The following VSTM4 variants were observed in gnomAD, a reference collection of about 807,000 sequenced individuals.
VSTM4 encodes the protein V-set and transmembrane domain-containing protein 4.
VSTM4 carries 20 observed loss-of-function variants against 36.4 expected under a neutral mutation model. The observed-to-expected ratio is 0.55, with a 90% CI of 0.39 to 0.80. VSTM4 has a LOEUF of 0.80. Ranked by LOEUF, VSTM4 falls within the 30% of genes least tolerant of loss-of-function variation. VSTM4 has a pLI of 0.00. For synonymous variants in VSTM4, 182 were observed against 173.9 expected (o/e 1.05, Z -0.37); for missense variants, 392 against 404.5 (o/e 0.97, Z 0.26).
At chr10:49,046,434 G>A (rs1188785857) in intron 7 of VSTM4, among the ~76,000 whole-genome samples, 3 of 152,214 alleles carry the variant, frequency 2.0e-5, no homozygotes, top group Non-Finnish European at 1.5e-5. Context: ...AGGAACATTA[G>A]CAGGTAGACC....
At position 49,077,321 on chromosome 10, in the gene VSTM4, A is replaced by C; in HGVS notation, c.532T>G (p.Tyr178Asp). Residue 178 changes from tyrosine to aspartate, a missense_variant, in exon 4 of 8, where the codon TAT becomes GAT. Transcript: ENST00000332853. ...CAGCACACGAGGACAGCATACACAT[A>C]GAGATCTGAAAGGCAAGGACAGACA... ...KETWAFFEDL[Y>D]VYAVLVCCVG... The C allele has an allele frequency of 6.2e-7, 1 of 1,614,210 alleles. No homozygotes were observed. Among genetic ancestry groups the C allele is most frequent in the Non-Finnish European group, 8.5e-7 (1 of 1,180,032 alleles).
chr10:49,098,186 GC>G (rs1844607309), intron 2 of VSTM4, among the ~76,000 whole-genome samples: 1 of 152,088 alleles, frequency 6.6e-6, no homozygotes, highest in Non-Finnish European at 1.5e-5. Context: ...GCCTTGCTAT[GC>G]CCCCACAGTG....
intron 4 of VSTM4, among the ~76,000 whole-genome samples, chr10:49,068,302 G>A (rs778771438): frequency 1.3e-5 from 2 of 152,082 alleles, no homozygotes; most frequent in East Asian, 1.9e-4. Context: ...TGAGCTGACC[G>A]GTGTTTTGAT....
intron 7 of VSTM4, among the ~76,000 whole-genome samples, chr10:49,024,269 C>T (rs1293159334): frequency 6.6e-6 from 1 of 152,150 alleles, no homozygotes; most frequent in African/African-American, 2.4e-5. Context: ...CTTAGTCTCA[C>T]TTTTCATATT....
chr10:49,085,082 C>T (rs554605293), intron 3 of VSTM4, among the ~76,000 whole-genome samples: 1 of 152,382 alleles, frequency 6.6e-6, no homozygotes, highest in East Asian at 1.9e-4. Flanking sequence ...GAATGTGCAT[C>T]AGAATTGCCT....
chr10:49,065,872 TCTCGTTCAGC>T (rs772503551), intron 4 of VSTM4, among the ~76,000 whole-genome samples: 47 of 152,200 alleles, frequency 3.1e-4, no homozygotes, highest in Non-Finnish European at 6.0e-4. Context: ...TACAGGTTTA[TCTCGTTCAGC>T]CTCCTATTAA....
In VSTM4 at chr10:49,019,548, A is replaced by C; in HGVS notation, c.*102T>G. ...GCTGAAAAGGGGCTCCCCACCACTC[A>C]GAAGGCATGAGTGAAAATACAGACA... is the stretch of plus-strand genomic sequence containing the variant. On this transcript the variant is annotated 3_prime_UTR_variant, in exon 8 of 8. Coordinates refer to ENST00000332853, the MANE Select transcript of VSTM4 (RefSeq NM_001031746.5). 6.9e-7 allele frequency: 1 copy of C among 1,442,780 alleles called. No individual in the cohort carries two copies. Among genetic ancestry groups the C allele is most frequent in the East Asian group, 2.4e-5 (1 of 41,310 alleles). The allele number at this position is 1,442,780 out of a possible 1,614,324, so 89.4% of individuals were successfully genotyped here.
At chr10:49,071,596 G>C (rs1234683599) in intron 4 of VSTM4, among the ~76,000 whole-genome samples, 1 of 152,268 alleles carries the variant, frequency 6.6e-6, no homozygotes, top group Non-Finnish European at 1.5e-5. Flanking sequence ...AAGCAGCAAG[G>C]CTGAGAGTGA....
intron 2 of VSTM4, among the ~76,000 whole-genome samples, chr10:49,089,692 C>T (rs756161396): frequency 6.6e-6 from 1 of 152,232 alleles, no homozygotes; most frequent in Admixed American, 6.5e-5. Context: ...AAACACCAGT[C>T]CTAATCTTAC....
At chr10:49,111,863 A>T (rs1390565742) in intron 1 of VSTM4, among the ~76,000 whole-genome samples, 1 of 152,212 alleles carries the variant, frequency 6.6e-6, no homozygotes, top group Non-Finnish European at 1.5e-5. Context: ...GGTTTAAGAA[A>T]ATCATGGCAA....
chr10:49,082,744 A>AT (rs1844303054), intron 3 of VSTM4, among the ~76,000 whole-genome samples: 2 of 152,258 alleles, frequency 1.3e-5, no homozygotes, highest in African/African-American at 4.8e-5. Flanking sequence ...ATCATGTTAC[A>AT]TTCCCTTTCT....
At chr10:49,097,396 A>G (rs1844592458) in intron 2 of VSTM4, among the ~76,000 whole-genome samples, 1 of 152,224 alleles carries the variant, frequency 6.6e-6, no homozygotes, top group Admixed American at 6.5e-5. Flanking sequence ...GTCAAGCACA[A>G]TGGAGGAGGC....
intron 7 of VSTM4, among the ~76,000 whole-genome samples, chr10:49,036,406 G>C (rs1326526815): frequency 6.6e-6 from 1 of 152,056 alleles, no homozygotes; most frequent in Non-Finnish European, 1.5e-5. Context: ...TGTGGTTGTG[G>C]CTTTTTTTCT....
At chr10:49,079,998 AAAAG>A (rs1205901096) in intron 3 of VSTM4, among the ~76,000 whole-genome samples, 2 of 152,194 alleles carry the variant, frequency 1.3e-5, no homozygotes, top group Non-Finnish European at 2.9e-5. Flanking sequence ...AAAATATGAT[AAAAG>A]TTTATCATAT....
intron 4 of VSTM4, among the ~76,000 whole-genome samples, chr10:49,066,541 C>T (rs1843977125): frequency 6.6e-6 from 1 of 152,114 alleles, no homozygotes; most frequent in Admixed American, 6.5e-5. Context: ...TTCATTCATA[C>T]TCTGTTTATA....
chr10:49,017,822 G>A lies in VSTM4; in HGVS notation c.*1828C>T, dbSNP rs549530676. 6.6e-6 allele frequency: 1 copy of A among 152,224 alleles called. No homozygotes were observed. The highest frequency in any genetic ancestry group is 2.1e-4 in the South Asian group (1 of 4,824). The allele number at this position is 152,224 out of a possible 1,614,324, so 9.4% of individuals were successfully genotyped here. Reference sequence around the variant, plus strand: ...AACACTATACATCTGTCAGAACACTGCCATGATAAAATTAAAAATCCCTGT... The same window carrying A: ...AACACTATACATCTGTCAGAACACTACCATGATAAAATTAAAAATCCCTGT... On this transcript the variant is annotated 3_prime_UTR_variant, in exon 8 of 8. Transcript: ENST00000332853.
At position 49,063,594 on chromosome 10, in the gene VSTM4, A is replaced by C. The variant is rs144602621; in HGVS notation, c.668+1109T>G. Among the ~76,000 whole-genome samples the C allele has an allele frequency of 7.6e-3, 1,162 of 152,136 alleles. 18 individuals carry two copies. The highest frequency in any genetic ancestry group is 0.027 in the African/African-American group (1,116 of 41,502). On this transcript the variant is annotated intron_variant, in intron 5 of 7. Coordinates refer to ENST00000332853, the MANE Select transcript of VSTM4 (RefSeq NM_001031746.5). ...GGGCTATAGTTCCAATGGCATTTTC[A>C]TTTTCAGAGACTTTACAGTATTATT...
chr10:49,114,149 G>A (rs1027906862), intron 1 of VSTM4, among the ~76,000 whole-genome samples: 2 of 152,138 alleles, frequency 1.3e-5, no homozygotes, highest in African/African-American at 4.8e-5. Flanking sequence ...TTCCAGCCGA[G>A]ACAGTGACAA....
At chr10:49,076,064 A>G (rs143563433) in intron 4 of VSTM4, among the ~76,000 whole-genome samples, 4 of 152,260 alleles carry the variant, frequency 2.6e-5, no homozygotes, top group African/African-American at 9.6e-5. Context: ...TGGAAACAGC[A>G]TCCCATGGGT....
Sources: gnomAD v4.1 joint callset for allele counts (sites outside exome capture counted in the v4.1 genomes callset) on GRCh38, gnomAD v4.1.1 for gene constraint, MANE v1.5 for transcripts, NCBI Gene and HGNC (gene_info 2026-07-23, HGNC 2026-07-21) for gene names.